Variants in NBAS observed in about 807,000 individuals in gnomAD.
NBAS encodes the protein NBAS subunit of NRZ tethering complex, also known as NAG/BC035112 fusion.
A neutral mutation model predicts 302.5 loss-of-function variants in NBAS; 219 were observed. That is an observed-to-expected ratio of 0.72 (90% CI 0.65 to 0.81). The LOEUF is 0.81. Among genes scored for constraint, NBAS ranks in the 30% least tolerant of loss-of-function variants. The pLI is 0.00. For synonymous variants in NBAS, 1,118 were observed against 1,021.6 expected, an observed-to-expected ratio of 1.09 and a Z score of -1.80; for missense variants, 2,932 against 2,841.6, an observed-to-expected ratio of 1.03 and a Z score of -0.72.
intron 47 of NBAS, among the ~76,000 whole-genome samples, chr2:15,227,034 C>T (rs1045527101): frequency 2.6e-5 from 4 of 152,138 alleles, no homozygotes; most frequent in African/African-American, 9.7e-5. Flanking sequence ...AAGTATGATG[C>T]TATGGGTTTG....
At chr2:15,289,258 GTTTGTT>G (rs747589190) in intron 41 of NBAS, among the ~76,000 whole-genome samples, 6 of 151,846 alleles carry the variant, frequency 4.0e-5, no homozygotes, top group Non-Finnish European at 8.8e-5. Flanking sequence ...CTAGTTTTTT[GTTTGTT>G]TTTGTTTTTG....
the NBAS span, among the ~76,000 whole-genome samples, chr2:15,102,977 GAGGAAGGAAGGAAGGA>G: frequency 3.9e-3 from 377 of 95,454 alleles, 3 homozygotes; most frequent in South Asian, 0.01. Flanking sequence ...AGGCATTAAG[GAGGAAGGAAGGAAGGA>G]AGGAAGGAAG....
At chr2:15,463,138 G>A (rs1679576165) in intron 19 of NBAS, among the ~76,000 whole-genome samples, 1 of 152,054 alleles carries the variant, frequency 6.6e-6, no homozygotes, top group African/African-American at 2.4e-5. Flanking sequence ...GCTGGGCATG[G>A]TGCCATGTAT....
the NBAS span, among the ~76,000 whole-genome samples, chr2:14,945,245 G>A: frequency 6.6e-6 from 1 of 152,188 alleles, no homozygotes; most frequent in Non-Finnish European, 1.5e-5. Flanking sequence ...CCGGACTTAT[G>A]GTGCCACCTA....
the NBAS span, among the ~76,000 whole-genome samples, chr2:15,073,761 G>A: frequency 6.6e-6 from 1 of 152,038 alleles, no homozygotes. Context: ...CTAATATTAA[G>A]TTTGTGAGAG....
the NBAS span, among the ~76,000 whole-genome samples, chr2:14,877,543 G>A: frequency 6.6e-6 from 1 of 152,302 alleles, no homozygotes; most frequent in South Asian, 2.1e-4. Flanking sequence ...AAATACTTCT[G>A]CATCACCTTC....
At chr2:15,134,495 A>C in the NBAS span, among the ~76,000 whole-genome samples, 4 of 151,776 alleles carry the variant, frequency 2.6e-5, no homozygotes, top group South Asian at 4.2e-4. Flanking sequence ...ACACACACAC[A>C]CCCCTCTAAA....
At chr2:15,506,665 T>C (rs1159767185) in intron 10 of NBAS, among the ~76,000 whole-genome samples, 2 of 152,000 alleles carry the variant, frequency 1.3e-5, no homozygotes, top group African/African-American at 2.4e-5. Flanking sequence ...CAAGAATGAC[T>C]GGGAAAACTT....
intron 47 of NBAS, among the ~76,000 whole-genome samples, chr2:15,225,532 T>C (rs963297214): frequency 6.6e-6 from 1 of 152,186 alleles, no homozygotes. Context: ...CCTCTCCTTT[T>C]CACTTTAAAA....
At chr2:14,937,467 C>A in the NBAS span, among the ~76,000 whole-genome samples, 2 of 152,150 alleles carry the variant, frequency 1.3e-5, no homozygotes, top group Admixed American at 6.6e-5. Context: ...AGCTGTCCTG[C>A]AGTAGATGAG....
the NBAS span, among the ~76,000 whole-genome samples, chr2:15,037,500 G>A: frequency 2.6e-5 from 4 of 152,100 alleles, no homozygotes; most frequent in African/African-American, 9.7e-5. Context: ...CTCAGGGGTG[G>A]ATATATTTTA....
chr2:15,183,720 T>C (rs576864669), intron 50 of NBAS, among the ~76,000 whole-genome samples: 1 of 152,292 alleles, frequency 6.6e-6, no homozygotes, highest in African/African-American at 2.4e-5. Context: ...GAGTTCTTTC[T>C]GTTCTACTAT....
At chr2:15,504,245 T>C in intron 10 of NBAS, 32 bp from the exon 11 acceptor site, 2 of 1,472,344 alleles carry the variant, frequency 1.4e-6, no homozygotes, top group Non-Finnish European at 1.9e-6. Flanking sequence ...TGAAGAAAGA[T>C]TACTGAAATG....
At chr2:14,843,873 A>C in the NBAS span, among the ~76,000 whole-genome samples, 1 of 152,088 alleles carries the variant, frequency 6.6e-6, no homozygotes, top group Non-Finnish European at 1.5e-5. Context: ...GGAGTATTTA[A>C]ATCAGCCCTA....
chr2:15,023,010 CTG>C, the NBAS span, among the ~76,000 whole-genome samples: 1 of 151,864 alleles, frequency 6.6e-6, no homozygotes, highest in Non-Finnish European at 1.5e-5. Flanking sequence ...TCCTCAAACA[CTG>C]TAGTCCATCT....
chr2:14,867,115 T>A, the NBAS span, among the ~76,000 whole-genome samples: 3 of 152,092 alleles, frequency 2.0e-5, no homozygotes, highest in Non-Finnish European at 4.4e-5. Flanking sequence ...AACCACCTAT[T>A]GGGTAAATGA....
chr2:15,503,872 G>A (rs1208216524), intron 11 of NBAS, among the ~76,000 whole-genome samples: 1 of 152,134 alleles, frequency 6.6e-6, no homozygotes, highest in East Asian at 1.9e-4. Context: ...GTTTCTAGGA[G>A]AATTCCTTGA....
chr2:14,954,238 TA>T, the NBAS span, among the ~76,000 whole-genome samples: 1 of 152,180 alleles, frequency 6.6e-6, no homozygotes, highest in Non-Finnish European at 1.5e-5. Context: ...CAGGATGTGC[TA>T]AAATGAATTA....
chr2:15,179,837 T>G (rs1443599674), intron 50 of NBAS: 5 of 152,296 alleles, frequency 3.3e-5, no homozygotes, highest in Non-Finnish European at 7.3e-5. Context: ...GAGCAGGCTT[T>G]CGTATAAGGT....
Sources: allele counts gnomAD v4.1 joint callset (sites outside exome capture counted in the v4.1 genomes callset), GRCh38; gene constraint gnomAD v4.1.1; transcripts MANE v1.5; gene names NCBI Gene and HGNC (gene_info 2026-07-23, HGNC 2026-07-21).